Variants in WNT3 observed in about 807,000 individuals in gnomAD.
The protein encoded by WNT3 is proto-oncogene Wnt-3.
Under a neutral mutation model 34.2 loss-of-function variants are expected in WNT3, and 7 were observed. The observed-to-expected ratio is 0.20, with a 90% CI of 0.12 to 0.38. WNT3 has a LOEUF of 0.38. Among genes scored for constraint, WNT3 ranks in the 10% least tolerant of loss-of-function variants. The probability of loss-of-function intolerance (pLI) is 1.00; values close to 1 mark genes in which losing one functional copy is unlikely to be tolerated. For missense variants in WNT3, 267 were observed against 499.8 expected, an observed-to-expected ratio of 0.53 and a Z score of 4.44; for synonymous variants, 212 against 211.5, an observed-to-expected ratio of 1.00 and a Z score of -0.02.
intron 1 of WNT3, among the ~76,000 whole-genome samples, chr17:46,817,037 G>A (rs984614288): frequency 2.4e-4 from 37 of 152,302 alleles, no homozygotes; most frequent in African/African-American, 8.9e-4. Context: ...GTGTGGGTTG[G>A]GCAGAAGAAA....
chr17:46,773,492 C>T (rs530925631), intron 2 of WNT3, among the ~76,000 whole-genome samples, 176 bp downstream of exon 2: 9 of 152,216 alleles, frequency 5.9e-5, no homozygotes, highest in African/African-American at 1.9e-4. Context: ...CATCTCAAGG[C>T]GGCCCAGCCC....
chr17:46,770,066 G>C lies in WNT3; in HGVS notation c.323-18C>G. On this transcript the variant is annotated intron_variant, in intron 2 of 4. Coordinates refer to ENST00000225512, the MANE Select transcript of WNT3 (RefSeq NM_030753.5). The stretch of plus-strand genomic sequence containing the variant: ...GCGGGTGGCTGCGGGGAGGTCGTGG[G>C]GAGGCAGCACTCAGGACCCGGCCTG... 3.3e-6 allele frequency: 5 copies of C among 1,531,960 alleles called. No individual in the cohort carries two copies. The South Asian group carries it at 6.0e-5, about 19-fold the overall frequency. 94.9% of individuals were successfully genotyped at this position (1,531,960 alleles called of 1,614,324 possible).
chr17:46,770,169 G>A (rs992778130), intron 2 of WNT3, 121 bp from the exon 3 acceptor site: 82 of 1,336,718 alleles, frequency 6.1e-5, no homozygotes, highest in Non-Finnish European at 8.0e-5. Context: ...GAGCTCACCA[G>A]CCCTGAGGCA....
intron 2 of WNT3, among the ~76,000 whole-genome samples, chr17:46,771,115 CCCGCGGCCGCTCT>C (rs1194802887): frequency 1.3e-5 from 2 of 152,210 alleles, no homozygotes; most frequent in Non-Finnish European, 2.9e-5. Flanking sequence ...CCTCTTGGCT[CCCGCGGCCGCTCT>C]CCGCGGCCCC....
At chr17:46,797,292 C>T (rs532331860) in intron 1 of WNT3, among the ~76,000 whole-genome samples, 1 of 152,310 alleles carries the variant, frequency 6.6e-6, no homozygotes, top group Admixed American at 6.5e-5. Flanking sequence ...TCTGGAAAAG[C>T]TGTTCCAAAA....
At chr17:46,792,266 G>A (rs928153893) in intron 1 of WNT3, among the ~76,000 whole-genome samples, 23 of 152,292 alleles carry the variant, frequency 1.5e-4, no homozygotes, top group African/African-American at 4.1e-4. Flanking sequence ...GGGGGATGAC[G>A]TCATGGAGCA....
chr17:46,779,456 C>T (rs2059442223), intron 1 of WNT3, among the ~76,000 whole-genome samples: 1 of 152,146 alleles, frequency 6.6e-6, no homozygotes, highest in African/African-American at 2.4e-5. Flanking sequence ...AGGACCCTGC[C>T]ACCCTCCTCC....
chr17:46,791,850 G>A (rs985224807), intron 1 of WNT3, among the ~76,000 whole-genome samples: 3 of 152,176 alleles, frequency 2.0e-5, no homozygotes, highest in African/African-American at 4.8e-5. Flanking sequence ...GATCAGCCTG[G>A]GCAACACAGC....
chr17:46,781,702 A>G (rs936363492), intron 1 of WNT3, among the ~76,000 whole-genome samples: 3 of 152,216 alleles, frequency 2.0e-5, no homozygotes, highest in Non-Finnish European at 4.4e-5. Context: ...ACTGAATAGT[A>G]CACTTTAAAA....
intron 1 of WNT3, among the ~76,000 whole-genome samples, chr17:46,791,979 G>A (rs983890563): frequency 6.6e-6 from 1 of 152,184 alleles, no homozygotes; most frequent in Non-Finnish European, 1.5e-5. Context: ...GTTTGAGGCT[G>A]TAGTAAGCTG....
intron 1 of WNT3, among the ~76,000 whole-genome samples, chr17:46,792,193 G>A (rs1277429756): frequency 6.6e-6 from 1 of 152,220 alleles, no homozygotes; most frequent in Non-Finnish European, 1.5e-5. Context: ...GGTTCCCCCA[G>A]GAATCACCCT....
chr17:46,807,900 G>C (rs2084218319), intron 1 of WNT3, among the ~76,000 whole-genome samples: 1 of 152,238 alleles, frequency 6.6e-6, no homozygotes, highest in South Asian at 2.1e-4. Flanking sequence ...GAGAAAGCAT[G>C]CTGGCTCCTC....
intron 1 of WNT3, among the ~76,000 whole-genome samples, chr17:46,805,255 T>C (rs909673481): frequency 1.3e-5 from 2 of 150,472 alleles, no homozygotes; most frequent in Non-Finnish European, 3.0e-5. Context: ...AAGAGTAATG[T>C]AGGGAGATGC....
intron 1 of WNT3, among the ~76,000 whole-genome samples, chr17:46,811,963 AAAAGAAAGAAAG>A (rs985266456): frequency 6.6e-6 from 1 of 152,104 alleles, no homozygotes; most frequent in African/African-American, 2.4e-5. Flanking sequence ...TTTCAAGAAA[AAAAGAAAGAAAG>A]AAAGAAACTC....
intron 1 of WNT3, among the ~76,000 whole-genome samples, chr17:46,811,692 C>T (rs892555620): frequency 1.6e-4 from 25 of 152,212 alleles, no homozygotes; most frequent in Non-Finnish European, 2.9e-4. Flanking sequence ...CGGTGGCTCA[C>T]GCCTATAATC....
intron 3 of WNT3, among the ~76,000 whole-genome samples, chr17:46,769,328 AAAAAG>A (rs1278491016): frequency 1.3e-5 from 2 of 151,998 alleles, no homozygotes; most frequent in Admixed American, 6.5e-5. Context: ...AAAAAAAAAA[AAAAAG>A]AAAAGAAAAA....
rs73321083 is a variant in WNT3 at position 46,770,300 on chromosome 17, G to T, written c.323-252C>A. 3.0e-3 allele frequency among the ~76,000 whole-genome samples: 455 copies of T among 152,338 alleles called. 2 individuals are homozygous for T. Among genetic ancestry groups the T allele is most frequent in the Non-Finnish European group, 4.8e-3 (328 of 68,034 alleles). ...TTAGCTCAGGACCTCAAATGCCACA[G>T]GGCAAAGCAGTGCCTGTTAGAAACA... On this transcript the variant is annotated intron_variant, in intron 2 of 4. Transcript: ENST00000225512.
intron 1 of WNT3, 80 bp from the exon 2 acceptor site, chr17:46,773,989 C>G: frequency 6.5e-7 from 1 of 1,547,178 alleles, no homozygotes; most frequent in Non-Finnish European, 8.7e-7. Flanking sequence ...CTTTGTGAAC[C>G]CTCCGGGGTA....
At chr17:46,779,053 T>TCACAAACA (rs1555683628) in intron 1 of WNT3, among the ~76,000 whole-genome samples, 1 of 100,612 alleles carries the variant, frequency 9.9e-6, no homozygotes, top group African/African-American at 4.5e-5. Context: ...CCCTACCCCA[T>TCACAAACA]CACACACACA....
Sources: gnomAD v4.1 joint callset for allele counts (sites outside exome capture counted in the v4.1 genomes callset) on GRCh38, gnomAD v4.1.1 for gene constraint, MANE v1.5 for transcripts, NCBI Gene and HGNC (gene_info 2026-07-23, HGNC 2026-07-21) for gene names.